The following SRSF8 variants were observed in gnomAD, a reference collection of about 807,000 sequenced individuals.
SRSF8 encodes serine/arginine-rich splicing factor 8.
In SRSF8, 3 loss-of-function variants were observed where a neutral mutation model predicts 2.0. The ratio of observed to expected loss-of-function variants is 1.47; its 90% CI spans 0.67 to 3.79. SRSF8 has a LOEUF of 3.79. Among genes scored for constraint, SRSF8 ranks in the 30% most tolerant of loss-of-function variants. SRSF8 has a pLI of 0.02. For missense variants in SRSF8, 408 were observed against 410.9 expected, an observed-to-expected ratio of 0.99 and a Z score of 0.06; for synonymous variants, 162 against 170.7, an observed-to-expected ratio of 0.95 and a Z score of 0.40.
Position 95,069,347 on chromosome 11 carries a change from G to T in SRSF8, c.*1272G>T. 6.1e-6 allele frequency: 1 copy of T among 165,276 alleles called. No individual in the cohort carries two copies. The highest frequency in any genetic ancestry group is 2.1e-4 in the South Asian group (1 of 4,784). The allele number at this position is 165,276 out of a possible 1,614,324, so 10.2% of individuals were successfully genotyped here. A position where few individuals can be genotyped will look rare whatever the true frequency, so the allele number is the denominator to read the frequency against. On this transcript the variant is annotated 3_prime_UTR_variant, in exon 1 of 1. Coordinates refer to ENST00000587424, the MANE Select transcript of SRSF8 (RefSeq NM_032102.4). ...AATTATTTTCAAATAATCCATTTTTGGCTTTCATCATTATCCCTACTAGAT... is the reference window on the plus strand; with the variant it reads ...AATTATTTTCAAATAATCCATTTTTTGCTTTCATCATTATCCCTACTAGAT...
rs1240241184 is a variant in SRSF8 at position 95,067,666 on chromosome 11, G to T, written c.440G>T (p.Arg147Leu). 9 of 1,612,092 alleles carry T rather than the reference G, an allele frequency of 5.6e-6. No homozygotes were observed. The highest frequency in any genetic ancestry group is 7.6e-6 in the Non-Finnish European group (9 of 1,179,090). Residue 147 changes from arginine (R) to leucine (L), a missense_variant, in exon 1 of 1, where the codon CGA becomes CTA. Physicochemically the swap from Arg to Leu is moderately radical, Grantham distance 102. Around this residue, in one of 2 missense-constraint regions of SRSF8, gnomAD observed 346 missense variants for 316.5 expected, o/e 1.09. Coordinates refer to ENST00000587424, the MANE Select transcript of SRSF8 (RefSeq NM_032102.4). The stretch of plus-strand genomic sequence containing the variant: ...CCCAGCTGCTCCAGGTCCCGCAGCC[G>T]ATCTCGCTATAGGGGTTCTCGCTAT... ...RGPSCSRSRS[R>L]SRYRGSRYSR...
Position 95,067,419 on chromosome 11 carries a change from C to A in SRSF8, c.193C>A (p.Arg65=). Residue 65 remains arginine, a synonymous_variant, in exon 1 of 1, where the codon CGG becomes AGG. Coordinates refer to ENST00000587424, the MANE Select transcript of SRSF8 (RefSeq NM_032102.4). The part of the protein sequence containing the change: ...RGFAFVRFHD[R]RDAQDAEAAM... ...CTTCGCTTTCGTCCGCTTTCACGAC[C>A]GGCGCGACGCCCAAGACGCCGAGGC... 1 of 1,560,232 alleles carries A rather than the reference C, an allele frequency of 6.4e-7. No individual in the cohort carries two copies. The highest frequency in any genetic ancestry group is 8.7e-7 in the Non-Finnish European group (1 of 1,155,118).
Position 95,067,573 on chromosome 11 carries a change from G to C in SRSF8, c.347G>C (p.Arg116Pro), listed in dbSNP as rs1486509795. 7.4e-6 allele frequency: 11 copies of C among 1,480,712 alleles called. No homozygotes were observed. The highest frequency in any genetic ancestry group is 2.0e-5 in the Admixed American group (1 of 49,840). The allele number at this position is 1,480,712 out of a possible 1,614,324, so 91.7% of individuals were successfully genotyped here. ...AGGTCCAGAGGCGGCGGCTACGGAC[G>C]GCGGAGCCGCAGCTACGGGCGGCGG... is the stretch of plus-strand genomic sequence containing the variant. ...RGRSRGGGYG[R>P]RSRSYGRRSR... is the part of the protein sequence containing the mutation. Residue 116 changes from arginine to proline, a missense_variant, in exon 1 of 1, where the codon CGG (arginine) becomes CCG (proline). By Grantham distance (103) the Arg-to-Pro change is moderately radical. This residue lies in a region of SRSF8 where 346 missense variants were observed against 316.5 expected (regional missense o/e 1.09). Transcript: ENST00000587424.
Position 95,068,109 on chromosome 11 carries a change from G to A in SRSF8, c.*34G>A. ...TGCATCAGGAAGCAACGTGATGGAG[G>A]ACTTGGGGGAAAAGGATCACATACT... is the stretch of plus-strand genomic sequence containing the variant. On this transcript the variant is annotated 3_prime_UTR_variant, in exon 1 of 1. Coordinates refer to ENST00000587424, the MANE Select transcript of SRSF8 (RefSeq NM_032102.4). 6.4e-7 allele frequency: 1 copy of A among 1,570,602 alleles called. No individual in the cohort carries two copies. Among genetic ancestry groups the A allele is most frequent in the Non-Finnish European group, 8.7e-7 (1 of 1,151,010 alleles).
rs994248180 is a variant in SRSF8 at position 95,071,147 on chromosome 11, G to A, written c.*3072G>A. On this transcript the variant is annotated 3_prime_UTR_variant, in exon 1 of 1. Coordinates refer to ENST00000587424, the MANE Select transcript of SRSF8 (RefSeq NM_032102.4). ...AAGATTCTCTGTATTGTTGCATGTG[G>A]CTGAGTTTATTTTTGATGCTGTGTA... The A allele has an allele frequency of 6.0e-6, 1 of 166,936 alleles. No individual in the cohort carries two copies. The highest frequency in any genetic ancestry group is 1.5e-5 in the Non-Finnish European group (1 of 68,084). The allele number at this position is 166,936 out of a possible 1,614,324, so 10.3% of individuals were successfully genotyped here.
rs1260989270 is a variant in SRSF8, at chr11:95,067,571, A to G, written c.345A>G (p.Gly115=). The G allele has an allele frequency of 5.8e-6, 9 of 1,543,236 alleles. No individual in the cohort carries two copies. The highest frequency in any genetic ancestry group is 2.0e-5 in the Admixed American group (1 of 50,496). Residue 115 remains glycine (G), a synonymous_variant, in exon 1 of 1, where the codon GGA becomes GGG. Transcript: ENST00000587424. ...PRGRSRGGGY[G]RRSRSYGRRS... is the part of the protein sequence containing the mutation. ...GCAGGTCCAGAGGCGGCGGCTACGG[A>G]CGGCGGAGCCGCAGCTACGGGCGGC...
chr11:95,068,063 G>C lies in SRSF8; in HGVS notation c.837G>C (p.Gln279His). 6.2e-7 allele frequency: 1 copy of C among 1,608,512 alleles called. No homozygotes were observed. The highest frequency in any genetic ancestry group is 8.5e-7 in the Non-Finnish European group (1 of 1,175,534). Residue 279 changes from glutamine (Q) to histidine (H), a missense_variant, in exon 1 of 1, where the codon CAG becomes CAC. Around this residue, in one of 2 missense-constraint regions of SRSF8, gnomAD observed 346 missense variants for 316.5 expected, o/e 1.09. Coordinates refer to ENST00000587424, the MANE Select transcript of SRSF8 (RefSeq NM_032102.4). ...CCAAGTCTCCTGAAGAGGAAGGACA[G>C]ATGTCCTCTTAAGAAAATGATGCAT... is the stretch of plus-strand genomic sequence containing the variant. The part of the protein sequence containing the change: ...RPPKSPEEEG[Q>H]MSS
At position 95,068,345 on chromosome 11, in the gene SRSF8, T is replaced by C; in HGVS notation, c.*270T>C. The C allele has an allele frequency of 2.3e-6, 1 of 429,086 alleles. No homozygotes were observed. 26.6% of individuals were successfully genotyped at this position (429,086 alleles called of 1,614,324 possible). A position where few individuals can be genotyped will look rare whatever the true frequency, so the allele number is the denominator to read the frequency against. ...GGTTTGGATATTTGAGGCAAAAATTTATTTTTATTTCTATAGTGATGACTG... is the reference window on the plus strand; with the variant it reads ...GGTTTGGATATTTGAGGCAAAAATTCATTTTTATTTCTATAGTGATGACTG... On this transcript the variant is annotated 3_prime_UTR_variant, in exon 1 of 1. Coordinates refer to ENST00000587424, the MANE Select transcript of SRSF8 (RefSeq NM_032102.4).
Position 95,067,140 on chromosome 11 carries a change from G to C in SRSF8, c.-87G>C. Reference sequence around the variant, plus strand: ...CCGGCCTTTCCCGGCGTCCCCACGCGGGGCGCAACCGCGAGAAAGAAACGC... The same window carrying C: ...CCGGCCTTTCCCGGCGTCCCCACGCCGGGCGCAACCGCGAGAAAGAAACGC... On this transcript the variant is annotated 5_prime_UTR_variant, in exon 1 of 1. Coordinates refer to ENST00000587424, the MANE Select transcript of SRSF8 (RefSeq NM_032102.4). The C allele has an allele frequency of 7.9e-7, 1 of 1,265,942 alleles. No homozygotes were observed. The highest frequency in any genetic ancestry group is 1.0e-6 in the Non-Finnish European group (1 of 973,826). The allele number at this position is 1,265,942 out of a possible 1,614,324, so 78.4% of individuals were successfully genotyped here.
In SRSF8 at chr11:95,067,136, A is replaced by T; in HGVS notation, c.-91A>T. On this transcript the variant is annotated 5_prime_UTR_variant, in exon 1 of 1. Transcript: ENST00000587424. ...CCGCCCGGCCTTTCCCGGCGTCCCCACGCGGGGCGCAACCGCGAGAAAGAA... is the reference window on the plus strand; with the variant it reads ...CCGCCCGGCCTTTCCCGGCGTCCCCTCGCGGGGCGCAACCGCGAGAAAGAA... 1 of 1,254,650 alleles carries T rather than the reference A, an allele frequency of 8.0e-7. No homozygotes were observed. Among genetic ancestry groups the T allele is most frequent in the Non-Finnish European group, 1.0e-6 (1 of 962,294 alleles). 77.7% of individuals were successfully genotyped at this position (1,254,650 alleles called of 1,614,324 possible).
Position 95,067,777 on chromosome 11 carries a change from G to T in SRSF8, c.551G>T (p.Arg184Leu), listed in dbSNP as rs1858675988. 6.2e-7 allele frequency: 1 copy of T among 1,613,984 alleles called. No homozygotes were observed. ...PYSRSRYRES[R>L]YGGSHYSSSG... Reference sequence around the variant, plus strand: ...AGCAGATCTCGCTACAGGGAATCTCGCTACGGCGGATCTCACTACAGCTCA... The same window carrying T: ...AGCAGATCTCGCTACAGGGAATCTCTCTACGGCGGATCTCACTACAGCTCA... The change falls in exon 1 of 1, where the codon CGC becomes CTC. Residue 184 changes from arginine (R) to leucine (L), a missense_variant. By Grantham distance (102) the Arg-to-Leu change is moderately radical (BLOSUM62 -2). Around this residue, in one of 2 missense-constraint regions of SRSF8, gnomAD observed 346 missense variants for 316.5 expected, o/e 1.09. Transcript: ENST00000587424.
rs1350998985 is a variant in SRSF8 at position 95,068,404 on chromosome 11, T to C, written c.*329T>C. On this transcript the variant is annotated 3_prime_UTR_variant, in exon 1 of 1. Coordinates refer to ENST00000587424, the MANE Select transcript of SRSF8 (RefSeq NM_032102.4). ...TGAAATGAACAGATTGGTAACCTAA[T>C]TTGTGGCCTCCTGACTTTTAAGGAA... The C allele has an allele frequency of 7.3e-6, 2 of 272,614 alleles. No homozygotes were observed. Among genetic ancestry groups the C allele is most frequent in the Non-Finnish European group, 1.5e-5 (2 of 132,384 alleles). The allele number at this position is 272,614 out of a possible 1,614,324, so 16.9% of individuals were successfully genotyped here.
rs1339117923 is a variant in SRSF8 at position 95,068,705 on chromosome 11, G to A, written c.*630G>A. The A allele has an allele frequency of 1.2e-5, 2 of 168,906 alleles. No homozygotes were observed. Among genetic ancestry groups the A allele is most frequent in the East Asian group, 3.8e-4 (2 of 5,238 alleles). 10.5% of individuals were successfully genotyped at this position (168,906 alleles called of 1,614,324 possible). On this transcript the variant is annotated 3_prime_UTR_variant, in exon 1 of 1. Coordinates refer to ENST00000587424, the MANE Select transcript of SRSF8 (RefSeq NM_032102.4). ...TGCTGGTTAGCTATTAAGGTGGCCT[G>A]TTGCAGTGCAGAGTGCTGAGCTGCT...
In SRSF8 at chr11:95,067,286, C is replaced by A. The variant is rs1858659951; in HGVS notation, c.60C>A (p.Asn20Lys). Residue 20 changes from asparagine to lysine, a missense_variant, in exon 1 of 1, where the codon AAC (asparagine) becomes AAA (lysine). By Grantham distance (94) the Asn-to-Lys change is moderately conservative. Around this residue, in one of 2 missense-constraint regions of SRSF8, gnomAD observed 62 missense variants for 94.4 expected, o/e 0.66. Transcript: ENST00000587424. ...GCATGATCACCCTCAAGGTGGACAA[C>A]CTGACCTACCGCACCTCTCCCGACA... The part of the protein sequence containing the change: ...VDGMITLKVD[N>K]LTYRTSPDSL... 1 of 1,589,906 alleles carries A rather than the reference C, an allele frequency of 6.3e-7. No homozygotes were observed. The highest frequency in any genetic ancestry group is 1.4e-5 in the African/African-American group (1 of 72,154).
Position 95,067,534 on chromosome 11 carries a change from G to A in SRSF8, c.308G>A (p.Gly103Glu), listed in dbSNP as rs1555107071. The change falls in exon 1 of 1, where the codon GGA (glycine) becomes GAA (glutamate). Residue 103 changes from glycine (G) to glutamate (E), a missense_variant. Physicochemically the swap from Gly to Glu is moderately conservative, Grantham distance 98 (BLOSUM62 -2). Transcript: ENST00000587424. ...GRRDLPRSRQ[G>E]EPRGRSRGGG... ...CGGGACCTGCCCCGCAGCCGCCAGG[G>A]AGAGCCACGCGGCAGGTCCAGAGGC... The A allele has an allele frequency of 5.2e-6, 8 of 1,525,216 alleles. No homozygotes were observed. The Admixed American group carries it at 6.3e-5, about 12-fold the overall frequency. 94.5% of individuals were successfully genotyped at this position (1,525,216 alleles called of 1,614,324 possible).
Position 95,067,859 on chromosome 11 carries a change from G to T in SRSF8, c.633G>T (p.Lys211Asn). 6.2e-7 allele frequency: 1 copy of T among 1,614,036 alleles called. No individual in the cohort carries two copies. Among genetic ancestry groups the T allele is most frequent in the Non-Finnish European group, 8.5e-7 (1 of 1,179,904 alleles). Residue 211 changes from lysine to asparagine, a missense_variant, in exon 1 of 1, where the codon AAG (lysine) becomes AAT (asparagine). Transcript: ENST00000587424. Reference protein sequence around the residue: ...SRYHSSRSHSKSGSSTSSRSA... With the variant: ...SRYHSSRSHSNSGSSTSSRSA... ...ATCACAGCAGCCGGTCTCACTCGAA[G>T]TCTGGGTCCTCCACTAGCTCTCGCT...
Position 95,067,153 on chromosome 11 carries a change from GA to G in SRSF8, c.-73del. ...GCGTCCCCACGCGGGGCGCAACCGC[GA>G]GAAAGAAACGCAGGTCGCACCGTCA... On this transcript the variant is annotated 5_prime_UTR_variant, in exon 1 of 1. Coordinates refer to ENST00000587424, the MANE Select transcript of SRSF8 (RefSeq NM_032102.4). 1 of 1,316,340 alleles carries G rather than the reference GA, an allele frequency of 7.6e-7. No homozygotes were observed. The highest frequency in any genetic ancestry group is 3.1e-5 in the East Asian group (1 of 32,262). 81.5% of individuals were successfully genotyped at this position (1,316,340 alleles called of 1,614,324 possible). A position where few individuals can be genotyped will look rare whatever the true frequency, so the allele number is the denominator to read the frequency against.
At position 95,067,248 on chromosome 11, in the gene SRSF8, C is replaced by T. The variant is rs1308469347; in HGVS notation, c.22C>T (p.Pro8Ser). Residue 8 changes from proline to serine, a missense_variant, in exon 1 of 1, where the codon CCC becomes TCC. By Grantham distance (74) the Pro-to-Ser change is moderately conservative. Coordinates refer to ENST00000587424, the MANE Select transcript of SRSF8 (RefSeq NM_032102.4). MSCGRPPPDVDGMITLKV... is the reference protein window; with the variant it reads MSCGRPPSDVDGMITLKV... The stretch of plus-strand genomic sequence containing the variant: ...AGCCATGAGCTGCGGCCGCCCCCCT[C>T]CCGACGTGGACGGCATGATCACCCT... 6 of 1,545,254 alleles carry T rather than the reference C, an allele frequency of 3.9e-6. No individual in the cohort carries two copies. The African/African-American group carries it at 7.1e-5, about 18-fold the overall frequency.
chr11:95,068,034 C>T lies in SRSF8; in HGVS notation c.808C>T (p.Pro270Ser). ...KSKSRSRSKR[P>S]PKSPEEEGQM... is the part of the protein sequence containing the mutation. The stretch of plus-strand genomic sequence containing the variant: ...CAAGTCAAGGTCGCGATCCAAGAGG[C>T]CCCCCAAGTCTCCTGAAGAGGAAGG... The change falls in exon 1 of 1, where the codon CCC becomes TCC. Residue 270 changes from proline to serine, a missense_variant. By Grantham distance (74) the Pro-to-Ser change is moderately conservative. This residue lies in a region of SRSF8 where 346 missense variants were observed against 316.5 expected (regional missense o/e 1.09). Transcript: ENST00000587424. 1 of 1,613,420 alleles carries T rather than the reference C, an allele frequency of 6.2e-7. No individual in the cohort carries two copies. Among genetic ancestry groups the T allele is most frequent in the Non-Finnish European group, 8.5e-7 (1 of 1,179,582 alleles).
Sources: allele counts gnomAD v4.1 joint callset, GRCh38; gene constraint gnomAD v4.1.1; regional missense constraint gnomAD v4.1.1; transcripts MANE v1.5; gene names NCBI Gene and HGNC (gene_info 2026-07-23, HGNC 2026-07-21).